Variants in ANKRD13D observed in about 807,000 individuals in gnomAD.
ANKRD13D encodes ankyrin repeat domain 13D, also known as ankyrin repeat domain-containing protein 13D.
In ANKRD13D, 24 loss-of-function variants were observed where a neutral mutation model predicts 68.8. The observed-to-expected ratio is 0.35, with a 90% CI of 0.25 to 0.49. ANKRD13D has a LOEUF of 0.49. Ranked by LOEUF, ANKRD13D falls within the 20% of genes least tolerant of loss-of-function variation. The pLI, the probability that ANKRD13D is intolerant of heterozygous loss-of-function variation, is 0.99. For missense variants in ANKRD13D, 735 were observed against 832.1 expected (o/e 0.88, Z 1.44); for synonymous variants, 331 against 336.1 (o/e 0.98, Z 0.16).
Position 67,299,302 on chromosome 11 carries a change from G to A in ANKRD13D, c.798+178G>A, listed in dbSNP as rs767911749. 1.2e-5 allele frequency: 9 copies of A among 763,900 alleles called. No homozygotes were observed. Among genetic ancestry groups the A allele is most frequent in the Admixed American group, 2.6e-5 (1 of 39,032 alleles). The allele number at this position is 763,900 out of a possible 1,614,324, so 47.3% of individuals were successfully genotyped here. On this transcript the variant is annotated intron_variant, in intron 7 of 14. Transcript: ENST00000511455. This position sits in a 1 kb window ranked among gnomAD's most constrained non-coding sequence, Gnocchi z 6.2. Reference sequence around the variant, plus strand: ...TACACAGGGCTCACCCACATCATGGGCCCCTACCCAGGGTACCGAGATCAA... The same window carrying A: ...TACACAGGGCTCACCCACATCATGGACCCCTACCCAGGGTACCGAGATCAA...
rs546485098 is a variant in ANKRD13D, at chr11:67,302,278, G to C, written c.1764G>C (p.Gln588His). Residue 588 changes from glutamine to histidine, a missense_variant, in exon 15 of 15, where the codon CAG becomes CAC. Coordinates refer to ENST00000511455, the MANE Select transcript of ANKRD13D (RefSeq NM_207354.3). ...AGGAGGAGCGGGAGCGGCGCGGGCA[G>C]CAGGAGGAGGAGGACTTACAGCGGA... ...REQEERERRG[Q>H]QEEEDLQRIL... The C allele has an allele frequency of 8.9e-6, 14 of 1,565,916 alleles. No individual in the cohort carries two copies. The African/African-American group carries it at 1.5e-4, about 17-fold the overall frequency.
intron 6 of ANKRD13D, chr11:67,298,064 T>C (rs1218597660): frequency 1.4e-4 from 3 of 21,028 alleles, no homozygotes; most frequent in African/African-American, 1.6e-4. Context: ...TTCTTTTTTT[T>C]TTTTTTTTTT....
intron 1 of ANKRD13D, chr11:67,289,761 C>G (rs565467958): frequency 1.4e-6 from 2 of 1,417,770 alleles, no homozygotes; most frequent in East Asian, 2.6e-5. Flanking sequence ...TTGCCCTGCT[C>G]GCCCGAACTC....
In ANKRD13D at chr11:67,300,922, C is replaced by T. The variant is rs1860953901; in HGVS notation, c.1074-68C>T. ...TGGGTAAAGGCAGCTGCCCACGAAC[C>T]AGAGGGCAGTCCTCAATGGAAGGGC... On this transcript the variant is annotated intron_variant, in intron 10 of 14. Transcript: ENST00000511455. The surrounding 1 kb of genome is among the most constrained non-coding windows in gnomAD (Gnocchi z 4.3). The T allele has an allele frequency of 6.3e-7, 1 of 1,578,152 alleles. No homozygotes were observed.
rs1860895471 is a variant in ANKRD13D at position 67,299,622 on chromosome 11, G to A, written c.880+11G>A. On this transcript the variant is annotated intron_variant, in intron 8 of 14. Coordinates refer to ENST00000511455, the MANE Select transcript of ANKRD13D (RefSeq NM_207354.3). This position sits in a 1 kb window ranked among gnomAD's most constrained non-coding sequence, Gnocchi z 6.2. The stretch of plus-strand genomic sequence containing the variant: ...AGTCGAGGAGCAAAGGTAAACCCAG[G>A]TGCGCCTGCCTGCTGCCCGGTCACA... 1.3e-6 allele frequency: 2 copies of A among 1,550,588 alleles called. No homozygotes were observed. Among genetic ancestry groups the A allele is most frequent in the Middle Eastern group, 1.8e-4 (1 of 5,518 alleles).
rs960409335 is a variant in ANKRD13D, at chr11:67,299,227, C to G, written c.798+103C>G. ...GAGTAGCCCCTGGGCTCTGGAAACC[C>G]TGAGCATTTGTGGGAACTCAGCGGG... On this transcript the variant is annotated intron_variant, in intron 7 of 14. Transcript: ENST00000511455. This position sits in a 1 kb window ranked among gnomAD's most constrained non-coding sequence, Gnocchi z 6.2. 45 of 1,450,934 alleles carry G rather than the reference C, an allele frequency of 3.1e-5. No homozygotes were observed. The African/African-American group carries it at 6.0e-4, about 19-fold the overall frequency. 89.9% of individuals were successfully genotyped at this position (1,450,934 alleles called of 1,614,324 possible).
At chr11:67,294,380 C>A (rs1287597204) in intron 6 of ANKRD13D, among the ~76,000 whole-genome samples, 1 of 152,182 alleles carries the variant, frequency 6.6e-6, no homozygotes, top group African/African-American at 2.4e-5. Context: ...ACCATGTTAA[C>A]AATGTTAAGT....
intron 6 of ANKRD13D, among the ~76,000 whole-genome samples, chr11:67,294,981 T>G (rs1860705939): frequency 6.6e-6 from 1 of 152,232 alleles, no homozygotes; most frequent in Admixed American, 6.5e-5. Context: ...GTGGATTCCT[T>G]TCCTCAGTAT....
At chr11:67,289,626 C>T (rs1860446328) in intron 1 of ANKRD13D, 76 bp downstream of exon 1, 7 of 1,138,058 alleles carry the variant, frequency 6.2e-6, no homozygotes, top group African/African-American at 4.5e-5. Flanking sequence ...CTGGAGCCCC[C>T]CCCCCCCCCC....
intron 6 of ANKRD13D, among the ~76,000 whole-genome samples, chr11:67,295,374 G>T (rs111349378): frequency 0.076 from 11,540 of 151,556 alleles, 750 homozygotes; most frequent in African/African-American, 0.18. Flanking sequence ...CCAAAATCAC[G>T]CCACTTCACT....
chr11:67,290,294 G>A, intron 2 of ANKRD13D, 28 bp from the exon 3 acceptor site: 1 of 1,547,332 alleles, frequency 6.5e-7, no homozygotes, highest in Non-Finnish European at 8.7e-7. Context: ...CATCTGGAGG[G>A]CTCCCCTCAG....
chr11:67,289,768 A>G (rs1414710088), intron 1 of ANKRD13D: 1 of 1,415,836 alleles, frequency 7.1e-7, no homozygotes. Flanking sequence ...GCTCGCCCGA[A>G]CTCGCTTCCG....
rs149514380 is a variant in ANKRD13D, at chr11:67,301,624, G to C, written c.1485G>C (p.Leu495=). The part of the protein sequence containing the change: ...DLLQFAIQQS[L]LEAGTEAEQV... ...TGCAGTTCGCCATCCAGCAGAGCCT[G>C]CTTGAAGCGGGCACTGAGGCGGAGC... The change falls in exon 13 of 15, where the codon CTG becomes CTC. Residue 495 remains leucine, a synonymous_variant. Transcript: ENST00000511455. This position sits in a 1 kb window ranked among gnomAD's most constrained non-coding sequence, Gnocchi z 4.5. The C allele has an allele frequency of 1.2e-4, 200 of 1,612,584 alleles. No individual in the cohort carries two copies. The highest frequency in any genetic ancestry group is 1.7e-4 in the Non-Finnish European group (195 of 1,179,956).
rs2136515404 is a variant in ANKRD13D at position 67,289,421 on chromosome 11, G to A, written c.-40G>A. 7.2e-7 allele frequency: 1 copy of A among 1,397,868 alleles called. No individual in the cohort carries two copies. Among genetic ancestry groups the A allele is most frequent in the Non-Finnish European group, 9.3e-7 (1 of 1,079,990 alleles). 86.6% of individuals were successfully genotyped at this position (1,397,868 alleles called of 1,614,324 possible). A position where few individuals can be genotyped will look rare whatever the true frequency, so the allele number is the denominator to read the frequency against. On this transcript the variant is annotated 5_prime_UTR_variant, in exon 1 of 15. Transcript: ENST00000511455. ...GAGGCTAGGGGGCCGTGCCAGGCCC[G>A]AAGCCGAGGCGGGGCCGGGATGCGG... is the stretch of plus-strand genomic sequence containing the variant.
intron 6 of ANKRD13D, chr11:67,297,919 G>C (rs1860823193): frequency 6.6e-6 from 1 of 151,940 alleles, no homozygotes; most frequent in Non-Finnish European, 1.5e-5. Flanking sequence ...GGCTATTTAG[G>C]AGTGTGTTGT....
chr11:67,289,401 TA>T lies in ANKRD13D; in HGVS notation c.-59del. ...CTGGGGCGCGGCTCGGAGGGGAGGC[TA>T]GGGGGCCGTGCCAGGCCCGAAGCCG... On this transcript the variant is annotated 5_prime_UTR_variant, in exon 1 of 15. Coordinates refer to ENST00000511455, the MANE Select transcript of ANKRD13D (RefSeq NM_207354.3). The T allele has an allele frequency of 7.8e-7, 1 of 1,280,318 alleles. No homozygotes were observed. Among genetic ancestry groups the T allele is most frequent in the Non-Finnish European group, 1.0e-6 (1 of 1,000,638 alleles). The allele number at this position is 1,280,318 out of a possible 1,614,324, so 79.3% of individuals were successfully genotyped here.
Position 67,300,866 on chromosome 11 carries a change from C to T in ANKRD13D, c.1074-124C>T. The T allele has an allele frequency of 1.6e-6, 2 of 1,240,672 alleles. No individual in the cohort carries two copies. Among genetic ancestry groups the T allele is most frequent in the Admixed American group, 2.5e-5 (1 of 39,664 alleles). The allele number at this position is 1,240,672 out of a possible 1,614,324, so 76.9% of individuals were successfully genotyped here. A position where few individuals can be genotyped will look rare whatever the true frequency, so the allele number is the denominator to read the frequency against. On this transcript the variant is annotated intron_variant, in intron 10 of 14. Coordinates refer to ENST00000511455, the MANE Select transcript of ANKRD13D (RefSeq NM_207354.3). The surrounding 1 kb of genome is among the most constrained non-coding windows in gnomAD (Gnocchi z 4.3). ...GGGGAGGCGGGCAGCGGCATCTGAG[C>T]AGAGCAGGGCACTCCAGGCCAGGCA...
In ANKRD13D at chr11:67,299,005, T is replaced by C; in HGVS notation, c.732-53T>C. ...GAGGGGGCTTTGGAAAGGAAGGCTT[T>C]GGCCAGCGTGTGAGGGTGCAGGTCT... On this transcript the variant is annotated intron_variant, in intron 6 of 14. Coordinates refer to ENST00000511455, the MANE Select transcript of ANKRD13D (RefSeq NM_207354.3). This position sits in a 1 kb window ranked among gnomAD's most constrained non-coding sequence, Gnocchi z 6.2. 2 of 1,596,470 alleles carry C rather than the reference T, an allele frequency of 1.3e-6. No homozygotes were observed. Among genetic ancestry groups the C allele is most frequent in the East Asian group, 2.2e-5 (1 of 44,790 alleles).
rs777047689 is a variant in ANKRD13D at position 67,299,155 on chromosome 11, G to T, written c.798+31G>T. Reference sequence around the variant, plus strand: ...AGAGGCTAGGGGTGGGGGGCTGGGGGTAGGAGATGAGGTCCAGGAACTCAG... The same window carrying T: ...AGAGGCTAGGGGTGGGGGGCTGGGGTTAGGAGATGAGGTCCAGGAACTCAG... On this transcript the variant is annotated intron_variant, in intron 7 of 14. Transcript: ENST00000511455. The surrounding 1 kb of genome is among the most constrained non-coding windows in gnomAD (Gnocchi z 6.2). The T allele has an allele frequency of 7.8e-6, 12 of 1,536,162 alleles. No homozygotes were observed. Among genetic ancestry groups the T allele is most frequent in the African/African-American group, 2.7e-5 (2 of 73,296 alleles).
Sources: gnomAD v4.1 joint callset for allele counts (sites outside exome capture counted in the v4.1 genomes callset) on GRCh38, gnomAD v4.1.1 for gene constraint, Gnocchi (gnomAD v3.1) non-coding constraint, MANE v1.5 for transcripts, NCBI Gene and HGNC (gene_info 2026-07-23, HGNC 2026-07-21) for gene names.